The following NEB variants were observed in gnomAD, a reference collection of about 807,000 sequenced individuals.
The protein encoded by NEB is nemaline myopathy type 2.
In NEB, 512 loss-of-function variants were observed where a neutral mutation model predicts 952.2. The ratio of observed to expected loss-of-function variants is 0.54; its 90% CI spans 0.50 to 0.58. The LOEUF (loss-of-function observed/expected upper bound fraction) is 0.58. NEB is among the 20% of genes least tolerant of loss of function. NEB has a pLI of 0.00. For missense variants in NEB, 8,428 were observed against 9,231.1 expected (o/e 0.91, Z 3.56); for synonymous variants, 2,900 against 3,149.8 (o/e 0.92, Z 2.66).
intron 28 of NEB, 26 bp downstream of exon 28, chr2:151,684,752 G>C: frequency 6.6e-7 from 1 of 1,519,598 alleles, no homozygotes; most frequent in African/African-American, 1.4e-5. Flanking sequence ...TTTAAAAGAG[G>C]GGCTACAGAA....
intron 27 of NEB, 35 bp from the exon 28 acceptor site, chr2:151,685,010 T>A (rs1238823528): frequency 6.6e-7 from 1 of 1,513,984 alleles, no homozygotes; most frequent in African/African-American, 1.4e-5. Flanking sequence ...TTATCACAAA[T>A]CCTCGATGGA....
At position 151,696,694 on chromosome 2, in the gene NEB, T is replaced by A. The variant is rs774485087; in HGVS notation, c.1512A>T (p.Gln504His). The change falls in exon 17 of 182, where the codon CAA becomes CAT. Residue 504 changes from glutamine to histidine, a missense_variant. Coordinates refer to ENST00000397345, the MANE Select transcript of NEB (RefSeq NM_001164508.2). ...KVHPDKTKFT[Q>H]VTDSPVLLQA... ...GTAGCAGAACAGGAGAGTCTGTAACTTGGGTGAATTTTGTCTTATCTGGAT... is the reference window on the plus strand; with the variant it reads ...GTAGCAGAACAGGAGAGTCTGTAACATGGGTGAATTTTGTCTTATCTGGAT... 12 of 1,613,754 alleles carry A rather than the reference T, an allele frequency of 7.4e-6. No individual in the cohort carries two copies. In the Admixed American group the frequency reaches 1.5e-4, roughly 20 times the overall value.
intron 144 of NEB, 112 bp downstream of exon 144, chr2:151,531,680 C>T (rs2091130787): frequency 2.5e-6 from 2 of 792,888 alleles, no homozygotes; most frequent in Non-Finnish European, 4.3e-6. Flanking sequence ...CCCCTGCCTC[C>T]CTCCCACTAA....
rs761838960 is a variant in NEB, at chr2:151,506,201, T to C, written c.23614A>G (p.Met7872Val). 1 of 1,613,768 alleles carries C rather than the reference T, an allele frequency of 6.2e-7. No homozygotes were observed. The highest frequency in any genetic ancestry group is 1.7e-5 in the Admixed American group (1 of 60,028). ...TGGTCCTGTGTTTGTTTCACTCTCA[T>C]CATCTCAGGTGTCTTTCCGATAGCC... The part of the protein sequence containing the change: ...GTAIGKTPEM[M>V]RVKQTQDHIS... The change falls in exon 164 of 182, where the codon ATG becomes GTG. Residue 7872 changes from methionine (M) to valine (V), a missense_variant. By Grantham distance (21) the Met-to-Val change is conservative (BLOSUM62 1). Coordinates refer to ENST00000397345, the MANE Select transcript of NEB (RefSeq NM_001164508.2).
chr2:151,575,354 T>A lies in NEB; in HGVS notation c.17013+341A>T, dbSNP rs147875484. On this transcript the variant is annotated intron_variant, in intron 107 of 181. Coordinates refer to ENST00000397345, the MANE Select transcript of NEB (RefSeq NM_001164508.2). ...TTAATTCATATATTTTTACAAAGAC[T>A]TCTCATAATTATTTTGAGTCTATCT... Among the ~76,000 whole-genome samples, 561 of 152,342 alleles carry A rather than the reference T, an allele frequency of 3.7e-3. 3 individuals are homozygous for A. Among genetic ancestry groups the A allele is most frequent in the African/African-American group, 0.013 (537 of 41,588 alleles).
chr2:151,568,685 T>C lies in NEB; in HGVS notation c.17567A>G (p.Asn5856Ser). Residue 5856 changes from asparagine (N) to serine (S), a missense_variant, in exon 111 of 182, where the codon AAC becomes AGC. Around this residue, in one of 11 missense-constraint regions of NEB, gnomAD observed 3,374 missense variants for 3,651.5 expected, o/e 0.92. Coordinates refer to ENST00000397345, the MANE Select transcript of NEB (RefSeq NM_001164508.2). ...KKYRTKIETL[N>S]FTPVDDRVDY... is the part of the protein sequence containing the mutation. ...AACTCTGTCATCCACAGGCGTAAAGTTGAGAGTTTCTATTTTTGTGCGATA... is the reference window on the plus strand; with the variant it reads ...AACTCTGTCATCCACAGGCGTAAAGCTGAGAGTTTCTATTTTTGTGCGATA... The C allele has an allele frequency of 3.7e-6, 6 of 1,606,154 alleles. No homozygotes were observed. The highest frequency in any genetic ancestry group is 5.1e-6 in the Non-Finnish European group (6 of 1,176,326).
chr2:151,610,749 G>C lies in NEB; in HGVS notation c.11910+13C>G, dbSNP rs768308991. 3 of 1,601,234 alleles carry C rather than the reference G, an allele frequency of 1.9e-6. No homozygotes were observed. The South Asian group carries it at 3.3e-5, about 18-fold the overall frequency. On this transcript the variant is annotated intron_variant, in intron 79 of 181. Transcript: ENST00000397345. ...TAATCTTAGGTTTAAGCAACAATCA[G>C]GAAATCTCTTACTTGGCTGATATTG...
intron 67 of NEB, among the ~76,000 whole-genome samples, chr2:151,630,087 A>G (rs1040252546): frequency 6.6e-6 from 1 of 152,162 alleles, no homozygotes; most frequent in African/African-American, 2.4e-5. Flanking sequence ...AATTTGTATG[A>G]CAATCATATT....
chr2:151,730,458 G>C (rs1158883069), intron 3 of NEB, among the ~76,000 whole-genome samples: 1 of 151,962 alleles, frequency 6.6e-6, no homozygotes, highest in Non-Finnish European at 1.5e-5. Flanking sequence ...AATAGATGCA[G>C]AAAGGAACTG....
chr2:151,678,627 T>C (rs1374500421), intron 32 of NEB, among the ~76,000 whole-genome samples: 3 of 152,154 alleles, frequency 2.0e-5, no homozygotes, highest in Admixed American at 6.5e-5. Flanking sequence ...ATATCAATGA[T>C]AGTAGAATTT....
intron 35 of NEB, among the ~76,000 whole-genome samples, chr2:151,675,032 C>A (rs918607691): frequency 1.3e-5 from 2 of 152,088 alleles, no homozygotes; most frequent in African/African-American, 4.8e-5. Flanking sequence ...CTAGGAAAAC[C>A]AAGTAGAAGT....
At position 151,551,689 on chromosome 2, in the gene NEB, G is replaced by A. The variant is rs773635957; in HGVS notation, c.19944+49C>T. 3.5e-6 allele frequency: 5 copies of A among 1,409,456 alleles called. No individual in the cohort carries two copies. In the South Asian group the frequency reaches 5.9e-5, roughly 17 times the overall value. The allele number at this position is 1,409,456 out of a possible 1,614,324, so 87.3% of individuals were successfully genotyped here. ...GCAAGCTCAGCTTGCTTCCACAGAG[G>A]CTGATGGAACGGATTTCTGCTGGGC... On this transcript the variant is annotated intron_variant, in intron 129 of 181. Transcript: ENST00000397345.
chr2:151,643,242 A>G lies in NEB; in HGVS notation c.8068T>C (p.Tyr2690His), dbSNP rs768923181. The change falls in exon 58 of 182, where the codon TAC (tyrosine) becomes CAC (histidine). Residue 2690 changes from tyrosine (Y) to histidine (H), a missense_variant. Tyr to His is a moderately conservative substitution (Grantham distance 83). Around this residue, in one of 11 missense-constraint regions of NEB, gnomAD observed 1,772 missense variants for 1,960.3 expected, o/e 0.90. Transcript: ENST00000397345. ...RATQILSDHV[Y>H]RQHPDQFKFS... is the part of the protein sequence containing the mutation. ...TTAAATTGATCTGGGTGCTGACGGT[A>G]AACATGGTCACTCAAAATCTGGGTG... 6.2e-6 allele frequency: 10 copies of G among 1,613,836 alleles called. No individual in the cohort carries two copies. In the South Asian group the frequency reaches 9.9e-5, roughly 16 times the overall value.
chr2:151,495,464 T>C (rs1360008458), intron 173 of NEB: 1 of 89,488 alleles, frequency 1.1e-5, no homozygotes, highest in Non-Finnish European at 2.6e-5. Context: ...GCTAATGTTT[T>C]AGAAGCACTG....
chr2:151,669,052 T>C lies in NEB; in HGVS notation c.4586A>G (p.Lys1529Arg), dbSNP rs1478561481. 6.3e-7 allele frequency: 1 copy of C among 1,597,182 alleles called. No individual in the cohort carries two copies. The highest frequency in any genetic ancestry group is 8.5e-7 in the Non-Finnish European group (1 of 1,170,880). The change falls in exon 39 of 182, where the codon AAA becomes AGA. Residue 1529 changes from lysine (K) to arginine (R), a missense_variant. Lys to Arg is a conservative substitution (Grantham distance 26). Coordinates refer to ENST00000397345, the MANE Select transcript of NEB (RefSeq NM_001164508.2). ...ATCACTCATGTTGAGGGCGTTGACT[T>C]TGGCTTGAATAAACTGAGGCAATTC... ...DPELPQFIQA[K>R]VNALNMSDAH...
In NEB at chr2:151,675,365, ATCT is replaced by A. The variant is rs1553522046; in HGVS notation, c.3798_3800del (p.Glu1266del). The A allele has an allele frequency of 2.5e-6, 4 of 1,584,466 alleles. No individual in the cohort carries two copies. Among genetic ancestry groups the A allele is most frequent in the Admixed American group, 1.8e-5 (1 of 56,010 alleles). ...GACTCATGGTGTATTTATGTTTCAC[ATCT>A]TCTCCTTTAGCCTTGTATAAGATCT... On this transcript the variant is annotated inframe_deletion, in exon 35 of 182. Transcript: ENST00000397345.
Position 151,513,762 on chromosome 2 carries a change from G to T in NEB, c.23128-69C>A, listed in dbSNP as rs1575719771. On this transcript the variant is annotated intron_variant, in intron 159 of 181. Coordinates refer to ENST00000397345, the MANE Select transcript of NEB (RefSeq NM_001164508.2). Reference sequence around the variant, plus strand: ...CTACTAGGTAATAAACATACAGGGTGAATGTAAATCCACATAACACGCCAC... The same window carrying T: ...CTACTAGGTAATAAACATACAGGGTTAATGTAAATCCACATAACACGCCAC... 6 of 1,102,168 alleles carry T rather than the reference G, an allele frequency of 5.4e-6. No homozygotes were observed. The East Asian group carries it at 1.3e-4, about 24-fold the overall frequency. The allele number at this position is 1,102,168 out of a possible 1,614,324, so 68.3% of individuals were successfully genotyped here.
intron 9 of NEB, among the ~76,000 whole-genome samples, chr2:151,720,201 G>T (rs1206919069): frequency 1.3e-5 from 2 of 152,074 alleles, no homozygotes; most frequent in Admixed American, 6.6e-5. Flanking sequence ...AAAGTAGTTT[G>T]TCTCTACTTA....
At chr2:151,549,577 A>G (rs2095126106) in intron 130 of NEB, 59 bp downstream of exon 130, 3 of 1,092,678 alleles carry the variant, frequency 2.7e-6, no homozygotes, top group Non-Finnish European at 1.4e-6. Context: ...CTATTAATTA[A>G]TATGAGTCTC....
Sources: allele counts gnomAD v4.1 joint callset (sites outside exome capture counted in the v4.1 genomes callset), GRCh38; gene constraint gnomAD v4.1.1; regional missense constraint gnomAD v4.1.1; transcripts MANE v1.5; gene names NCBI Gene and HGNC (gene_info 2026-07-23, HGNC 2026-07-21).